Variants in C2CD2L observed in about 807,000 individuals in gnomAD.
The protein encoded by C2CD2L is C2CD2 like.
Under a neutral mutation model 69.9 loss-of-function variants are expected in C2CD2L, and 24 were observed. That is an observed-to-expected ratio of 0.34 (90% confidence interval 0.25 to 0.48). The LOEUF (loss-of-function observed/expected upper bound fraction) is 0.48. Ranked by LOEUF, C2CD2L falls within the 20% of genes least tolerant of loss-of-function variation. The pLI is 0.99. For missense variants in C2CD2L, 811 were observed against 941.5 expected, an observed-to-expected ratio of 0.86 and a Z score of 1.81; for synonymous variants, 367 against 391.0, an observed-to-expected ratio of 0.94 and a Z score of 0.72.
chr11:119,103,681 A>G (rs928742049), upstream of C2CD2L, among the ~76,000 whole-genome samples: 3 of 20,770 alleles, frequency 1.4e-4, no homozygotes, highest in African/African-American at 6.2e-4. Context: ...TGGGCAACAG[A>G]GGGGAAACTG....
rs868396772 is a variant in C2CD2L, at chr11:119,116,403, A to G, written c.*147A>G. On this transcript the variant is annotated 3_prime_UTR_variant, in exon 14 of 14. Coordinates refer to ENST00000648610, the MANE Select transcript of C2CD2L (RefSeq NM_001290474.2). Reference sequence around the variant, plus strand: ...CACCCTGGGCCATGGGGCCGGTTGGAAGGATACTTGGAACGGGAAGCACAT... The same window carrying G: ...CACCCTGGGCCATGGGGCCGGTTGGGAGGATACTTGGAACGGGAAGCACAT... 1.5e-6 allele frequency: 1 copy of G among 658,686 alleles called. No homozygotes were observed. The highest frequency in any genetic ancestry group is 1.8e-5 in the African/African-American group (1 of 55,094). The allele number at this position is 658,686 out of a possible 1,614,324, so 40.8% of individuals were successfully genotyped here.
rs757825077 is a variant in C2CD2L at position 119,108,044 on chromosome 11, C to T, written c.303C>T (p.Asn101=). The change falls in exon 1 of 14, where the codon AAC becomes AAT. Residue 101 remains asparagine, a synonymous_variant. Coordinates refer to ENST00000648610, the MANE Select transcript of C2CD2L (RefSeq NM_001290474.2). The part of the protein sequence containing the change: ...SLFAFKSFRE[N]WQRAWVRALN... ...TCGCCTTCAAGTCTTTCCGGGAGAACTGGCAGCGGGCTTGGGTGCGAGCGC... is the reference window on the plus strand; with the variant it reads ...TCGCCTTCAAGTCTTTCCGGGAGAATTGGCAGCGGGCTTGGGTGCGAGCGC... 1.3e-6 allele frequency: 2 copies of T among 1,599,940 alleles called. No homozygotes were observed. The highest frequency in any genetic ancestry group is 2.2e-5 in the South Asian group (2 of 90,644).
chr11:119,108,006 C>A lies in C2CD2L; in HGVS notation c.265C>A (p.Leu89Met). The A allele has an allele frequency of 6.3e-7, 1 of 1,591,550 alleles. No individual in the cohort carries two copies. The highest frequency in any genetic ancestry group is 8.5e-7 in the Non-Finnish European group (1 of 1,171,450). The part of the protein sequence containing the change: ...AAEEPGVRGL[L>M]ASLFAFKSFR... ...CGAGGAGCCAGGAGTCCGGGGCCTC[C>A]TGGCGTCACTCTTCGCCTTCAAGTC... Residue 89 changes from leucine to methionine, a missense_variant, in exon 1 of 14, where the codon CTG (leucine) becomes ATG (methionine). Physicochemically the swap from Leu to Met is conservative, Grantham distance 15 (BLOSUM62 2). Coordinates refer to ENST00000648610, the MANE Select transcript of C2CD2L (RefSeq NM_001290474.2).
In C2CD2L at chr11:119,111,576, G is replaced by T; in HGVS notation, c.966G>T (p.Trp322Cys). The change falls in exon 7 of 14, where the codon TGG becomes TGT. Residue 322 changes from tryptophan to cysteine, a missense_variant. Physicochemically the swap from Trp to Cys is radical, Grantham distance 215. Coordinates refer to ENST00000648610, the MANE Select transcript of C2CD2L (RefSeq NM_001290474.2). ...AELDNPMQQK[W>C]TKPARAGSEV... ...TCGACAACCCCATGCAGCAGAAGTG[G>T]ACCAAGCCCGCGAGGGCTGGATCCG... The T allele has an allele frequency of 6.2e-7, 1 of 1,614,142 alleles. No homozygotes were observed. Among genetic ancestry groups the T allele is most frequent in the South Asian group, 1.1e-5 (1 of 91,066 alleles).
chr11:119,105,328 C>T (rs1339930643), upstream of C2CD2L, among the ~76,000 whole-genome samples: 1 of 152,078 alleles, frequency 6.6e-6, no homozygotes, highest in Non-Finnish European at 1.5e-5. Flanking sequence ...TGCTAGAGGT[C>T]TAAGTAATGG....
rs755311678 is a variant in C2CD2L at position 119,116,280 on chromosome 11, A to G, written c.*24A>G. 4 of 1,559,772 alleles carry G rather than the reference A, an allele frequency of 2.6e-6. No individual in the cohort carries two copies. In the South Asian group the frequency reaches 4.4e-5, roughly 17 times the overall value. On this transcript the variant is annotated 3_prime_UTR_variant, in exon 14 of 14. Transcript: ENST00000648610. ...GAGGACCCAGCTCTGAAAGGGCACG[A>G]GTTCTCTCAGCCCATTCCCCACCTC...
upstream of C2CD2L, chr11:119,102,484 G>A (rs1470575229): frequency 5.4e-6 from 2 of 370,718 alleles, no homozygotes; most frequent in Non-Finnish European, 1.1e-5. Context: ...TCTTGTCCTC[G>A]ATTCTGGTAT....
At chr11:119,112,268 C>A in intron 7 of C2CD2L, 60 bp from the exon 8 acceptor site, 1 of 1,474,996 alleles carries the variant, frequency 6.8e-7, no homozygotes, top group Non-Finnish European at 9.3e-7. Context: ...GTGATCCACT[C>A]AAGTGTGGGT....
rs1162148904 is a variant in C2CD2L at position 119,109,228 on chromosome 11, T to C, written c.355-876T>C. Among the ~76,000 whole-genome samples, 2 of 152,194 alleles carry C rather than the reference T, an allele frequency of 1.3e-5. No individual in the cohort carries two copies. Among genetic ancestry groups the C allele is most frequent in the South Asian group, 2.1e-4 (1 of 4,836 alleles). Reference sequence around the variant, plus strand: ...CCAGAGCAAAGGAGTTGGCTTCCCCTGGTTTGCCAAGCAAATGAACCCTAT... The same window carrying C: ...CCAGAGCAAAGGAGTTGGCTTCCCCCGGTTTGCCAAGCAAATGAACCCTAT... On this transcript the variant is annotated intron_variant, in intron 1 of 13. Coordinates refer to ENST00000648610, the MANE Select transcript of C2CD2L (RefSeq NM_001290474.2). This position sits in a 1 kb window ranked among gnomAD's most constrained non-coding sequence, Gnocchi z 5.1.
intron 10 of C2CD2L, 123 bp from the exon 11 acceptor site, chr11:119,113,472 CTAATCACCCTTGTGAT>C (rs1211909897): frequency 8.5e-6 from 11 of 1,300,800 alleles, no homozygotes; most frequent in Admixed American, 8.0e-5. Flanking sequence ...CGGCATCTTC[CTAATCACCCTTGTGAT>C]TAATCACCCT....
chr11:119,105,588 C>G (rs1215288475), upstream of C2CD2L, among the ~76,000 whole-genome samples: 1 of 150,434 alleles, frequency 6.6e-6, no homozygotes, highest in Non-Finnish European at 1.5e-5. Flanking sequence ...TGCAGTGAGC[C>G]AAGATCTCGC....
rs199821454 is a variant in C2CD2L, at chr11:119,113,622, C to T, written c.1399C>T (p.Arg467Cys). ...RIDGKLDSPSRSPSKVEVTEK... is the reference protein window; with the variant it reads ...RIDGKLDSPSCSPSKVEVTEK... ...CCCCCACCCACCAGACTCCCCCTCC[C>T]GCTCCCCGTCCAAGGTGGAGGTGAC... Residue 467 changes from arginine (R) to cysteine (C), a missense_variant, in exon 11 of 14, where the codon CGC (arginine) becomes TGC (cysteine). Physicochemically the swap from Arg to Cys is radical, Grantham distance 180. Transcript: ENST00000648610. The T allele has an allele frequency of 3.0e-5, 49 of 1,613,316 alleles. No homozygotes were observed. Among genetic ancestry groups the T allele is most frequent in the South Asian group, 2.0e-4 (18 of 91,054 alleles).
In C2CD2L at chr11:119,112,504, A is replaced by G. The variant is rs1477039255; in HGVS notation, c.1107A>G (p.Thr369=). The change falls in exon 9 of 14, where the codon ACA becomes ACG. Residue 369 remains threonine (T), a synonymous_variant. Coordinates refer to ENST00000648610, the MANE Select transcript of C2CD2L (RefSeq NM_001290474.2). The part of the protein sequence containing the change: ...CGDTELLGQA[T]LPVGSPSRPL... The stretch of plus-strand genomic sequence containing the variant: ...CAGCCGAACTCCTAGGCCAGGCCAC[A>G]CTGCCTGTGGGCTCCCCCTCCAGAC... 1 of 1,613,746 alleles carries G rather than the reference A, an allele frequency of 6.2e-7. No individual in the cohort carries two copies. The highest frequency in any genetic ancestry group is 8.5e-7 in the Non-Finnish European group (1 of 1,179,876).
Position 119,111,511 on chromosome 11 carries a change from T to C in C2CD2L, c.911-10T>C, listed in dbSNP as rs756544253. ...GATCTGAGCATCTTCTAACTTCTGGTTCATCACAGGCACCGAGGAACTGTG... is the reference window on the plus strand; with the variant it reads ...GATCTGAGCATCTTCTAACTTCTGGCTCATCACAGGCACCGAGGAACTGTG... On this transcript the variant is annotated splice_polypyrimidine_tract_variant and intron_variant, in intron 6 of 13. Transcript: ENST00000648610. The C allele has an allele frequency of 1.9e-6, 3 of 1,613,714 alleles. No homozygotes were observed. The highest frequency in any genetic ancestry group is 2.2e-5 in the South Asian group (2 of 91,072).
chr11:119,116,250 G>A lies in C2CD2L; in HGVS notation c.2115G>A (p.Gln705=), dbSNP rs997859091. ...AGGCCAATGGTAACCCCAGCCCCCA[G>A]CTCTGAGGACCCAGCTCTGAAAGGG... ...KPKANGNPSP[Q]L is the part of the protein sequence containing the mutation. The change falls in exon 14 of 14, where the codon CAG becomes CAA. Residue 705 remains glutamine, a synonymous_variant. Transcript: ENST00000648610. 1 of 1,613,190 alleles carries A rather than the reference G, an allele frequency of 6.2e-7. No homozygotes were observed. The highest frequency in any genetic ancestry group is 1.3e-5 in the African/African-American group (1 of 75,056).
intron 9 of C2CD2L, 38 bp from the exon 10 acceptor site, chr11:119,112,662 C>G: frequency 6.2e-7 from 1 of 1,609,416 alleles, no homozygotes; most frequent in Non-Finnish European, 8.5e-7. Flanking sequence ...TGGGCAGTCT[C>G]CGAGGCTCTG....
chr11:119,102,911 T>C (rs552531373), upstream of C2CD2L, among the ~76,000 whole-genome samples: 318 of 132,778 alleles, frequency 2.4e-3, 1 homozygote, highest in African/African-American at 7.7e-3. Flanking sequence ...TCGCTCTTGT[T>C]GCCCAGGCTG....
At chr11:119,112,089 G>C in intron 7 of C2CD2L, 1 of 539,446 alleles carries the variant, frequency 1.9e-6, no homozygotes, top group Non-Finnish European at 3.3e-6. Flanking sequence ...AGACTGGCAA[G>C]ACAGGAAGAG....
At chr11:119,111,725 GC>G in intron 7 of C2CD2L, 96 bp downstream of exon 7, 3 of 847,526 alleles carry the variant, frequency 3.5e-6, no homozygotes, top group Non-Finnish European at 5.5e-6. Context: ...GTTTTCAGTA[GC>G]CTTTGGCGTG....
Sources: allele counts gnomAD v4.1 joint callset (sites outside exome capture counted in the v4.1 genomes callset), GRCh38; gene constraint gnomAD v4.1.1; non-coding constraint Gnocchi (gnomAD v3.1); transcripts MANE v1.5; gene names NCBI Gene and HGNC (gene_info 2026-07-23, HGNC 2026-07-21).